The following MEP1A variants were observed in gnomAD, a reference collection of about 807,000 sequenced individuals.
The protein encoded by MEP1A is meprin A subunit alpha.
In MEP1A, 68 loss-of-function variants were observed where a neutral mutation model predicts 84.5. That is an observed-to-expected ratio of 0.80 (90% CI 0.66 to 0.98). The LOEUF is 0.98. Among genes scored for constraint, MEP1A ranks in the 50% least tolerant of loss-of-function variants. The pLI is 0.00. For missense variants in MEP1A, 887 were observed against 919.9 expected, an observed-to-expected ratio of 0.96 and a Z score of 0.46; for synonymous variants, 337 against 336.8, an observed-to-expected ratio of 1.00 and a Z score of -0.01.
rs776579460 is a variant in MEP1A, at chr6:46,835,356, G to C, written c.1891G>C (p.Gly631Arg). ...GCAGCAGGTCTCCGAAGAAGGTTCG[G>C]GAAAGGCCATGTTAGAGGAAGCCCT... ...QEQQVSEEGS[G>R]KAMLEEALPV... Residue 631 changes from glycine (G) to arginine (R), a missense_variant, in exon 13 of 14, where the codon GGA becomes CGA. Gly to Arg is a moderately radical substitution (Grantham distance 125). Transcript: ENST00000230588. The C allele has an allele frequency of 1.9e-6, 3 of 1,611,428 alleles. No homozygotes were observed. In the South Asian group the frequency reaches 3.3e-5, roughly 18 times the overall value.
At chr6:46,845,784 C>CCTGAA in the MEP1A span, among the ~76,000 whole-genome samples, 12 of 152,028 alleles carry the variant, frequency 7.9e-5, no homozygotes, top group Non-Finnish European at 1.5e-4. Flanking sequence ...TCTAGCTGTA[C>CCTGAA]CTGAAGGTGT....
intron 7 of MEP1A, among the ~76,000 whole-genome samples, chr6:46,822,053 A>C (rs1232075019): frequency 6.6e-6 from 1 of 152,218 alleles, no homozygotes; most frequent in Non-Finnish European, 1.5e-5. Context: ...TTCTTGAATC[A>C]GAATTGTGTT....
At chr6:46,803,225 C>T (rs562376227) in intron 5 of MEP1A, among the ~76,000 whole-genome samples, 91 of 151,356 alleles carry the variant, frequency 6.0e-4, no homozygotes, top group African/African-American at 1.9e-3. Flanking sequence ...ATAATGAATT[C>T]GATTCATTTA....
chr6:46,834,186 G>T (rs913166617), intron 11 of MEP1A, among the ~76,000 whole-genome samples: 12 of 151,630 alleles, frequency 7.9e-5, no homozygotes, highest in African/African-American at 2.7e-4. Context: ...GCCTCCCAAA[G>T]TGCTAGGATT....
chr6:46,808,524 A>G (rs904209824), intron 5 of MEP1A, among the ~76,000 whole-genome samples: 2 of 152,132 alleles, frequency 1.3e-5, no homozygotes, highest in Admixed American at 6.6e-5. Context: ...TTAATTTTTA[A>G]CTTAGATTCT....
At position 46,799,196 on chromosome 6, in the gene MEP1A, T is replaced by C; in HGVS notation, c.262+15T>C. On this transcript the variant is annotated intron_variant, in intron 5 of 13. Transcript: ENST00000230588. ...TGATAATTTGGGTAATATTAATTGTTCTTAATTAGGAAGTTTCAGTTTAAC... is the reference window on the plus strand; with the variant it reads ...TGATAATTTGGGTAATATTAATTGTCCTTAATTAGGAAGTTTCAGTTTAAC... The C allele has an allele frequency of 6.4e-7, 1 of 1,556,652 alleles. No homozygotes were observed. The highest frequency in any genetic ancestry group is 8.9e-7 in the Non-Finnish European group (1 of 1,127,720).
intron 7 of MEP1A, 80 bp from the exon 8 acceptor site, chr6:46,825,192 G>T (rs1459649737): frequency 4.9e-6 from 3 of 610,772 alleles, no homozygotes; most frequent in Non-Finnish European, 7.9e-6. Flanking sequence ...TTTTTTGGAG[G>T]GTCTCTGGGT....
At chr6:46,804,384 T>C (rs1195191376) in intron 5 of MEP1A, among the ~76,000 whole-genome samples, 1 of 151,774 alleles carries the variant, frequency 6.6e-6, no homozygotes, top group Non-Finnish European at 1.5e-5. Context: ...ATAAAAACTT[T>C]TAAATAATCA....
At chr6:46,807,552 GAA>G (rs1315482194) in intron 5 of MEP1A, among the ~76,000 whole-genome samples, 1 of 57,770 alleles carries the variant, frequency 1.7e-5, no homozygotes, top group East Asian at 3.5e-4. Flanking sequence ...AAGAAAGAAA[GAA>G]AGAAAGAAAG....
intron 6 of MEP1A, among the ~76,000 whole-genome samples, chr6:46,815,831 CA>C (rs1197343832): frequency 6.6e-6 from 1 of 151,992 alleles, no homozygotes; most frequent in East Asian, 1.9e-4. Flanking sequence ...AAAAAAAATG[CA>C]AAAAATAGCA....
rs1767087796 is a variant in MEP1A, at chr6:46,797,831, T to TC, written c.146-775_146-774insC. ...CTTTCTTTCTTTCTTTCTTTCTTTC[T>TC]TTCTTTCTCTCTCTCTTTCTTTCTT... is the stretch of plus-strand genomic sequence containing the variant. On this transcript the variant is annotated intron_variant, in intron 3 of 13. Coordinates refer to ENST00000230588, the MANE Select transcript of MEP1A (RefSeq NM_005588.3). Among the ~76,000 whole-genome samples the TC allele has an allele frequency of 2.0e-5, 3 of 148,930 alleles. No homozygotes were observed. In the South Asian group the frequency reaches 6.4e-4, roughly 32 times the overall value.
chr6:46,814,103 C>A (rs1767572074), intron 6 of MEP1A, among the ~76,000 whole-genome samples: 1 of 152,138 alleles, frequency 6.6e-6, no homozygotes, highest in South Asian at 2.1e-4. Flanking sequence ...AGATCTCTAG[C>A]AAGGCTGGGG....
downstream of MEP1A, among the ~76,000 whole-genome samples, chr6:46,842,857 C>G (rs1443473611): frequency 6.6e-6 from 1 of 152,162 alleles, no homozygotes; most frequent in South Asian, 2.1e-4. Context: ...TACTCTTTCT[C>G]TTTATTTCTC....
intron 7 of MEP1A, among the ~76,000 whole-genome samples, chr6:46,822,810 G>T (rs1166052473): frequency 6.6e-6 from 1 of 152,176 alleles, no homozygotes; most frequent in Non-Finnish European, 1.5e-5. Context: ...CTCCCAAAGT[G>T]CTGGGATTAC....
chr6:46,833,171 C>T lies in MEP1A; in HGVS notation c.1242C>T (p.Asn414=). The T allele has an allele frequency of 6.2e-7, 1 of 1,604,612 alleles. No individual in the cohort carries two copies. Among genetic ancestry groups the T allele is most frequent in the Non-Finnish European group, 8.5e-7 (1 of 1,175,734 alleles). ...AGGGCACAAAAGGCGACCCTCAGAA[C>T]TCAACTGGGGGAATTTACCTAGATG... ...LFQGTKGDPQ[N]STGGIYLDDI... is the part of the protein sequence containing the mutation. The change falls in exon 11 of 14, where the codon AAC becomes AAT. Residue 414 remains asparagine, a synonymous_variant. Coordinates refer to ENST00000230588, the MANE Select transcript of MEP1A (RefSeq NM_005588.3).
At chr6:46,836,308 G>A (rs770018740) in intron 13 of MEP1A, among the ~76,000 whole-genome samples, 1 of 152,188 alleles carries the variant, frequency 6.6e-6, no homozygotes, top group Non-Finnish European at 1.5e-5. Flanking sequence ...TTTCACAAAA[G>A]GAGGTATGTG....
At chr6:46,825,610 A>G in intron 8 of MEP1A, 117 bp downstream of exon 8, 1 of 729,544 alleles carries the variant, frequency 1.4e-6, no homozygotes, top group Non-Finnish European at 2.2e-6. Context: ...CTAAAAGAAT[A>G]AGAACAAACT....
In MEP1A at chr6:46,793,413, A is replaced by T. The variant is rs1281331518; in HGVS notation, c.15A>T (p.Arg5Ser). 6.3e-7 allele frequency: 1 copy of T among 1,594,936 alleles called. No homozygotes were observed. Among genetic ancestry groups the T allele is most frequent in the Non-Finnish European group, 8.5e-7 (1 of 1,174,778 alleles). Residue 5 changes from arginine to serine, a missense_variant, in exon 1 of 14, where the codon AGA (arginine) becomes AGT (serine). By Grantham distance (110) the Arg-to-Ser change is moderately radical. Coordinates refer to ENST00000230588, the MANE Select transcript of MEP1A (RefSeq NM_005588.3). MAWI[R>S]STCILFFTLL... ...CACTTGCAGCAATGGCTTGGATTAG[A>T]TCCACTTGCATTCTCTTTTTTACCT... is the stretch of plus-strand genomic sequence containing the variant.
chr6:46,833,675 T>G, intron 11 of MEP1A, 137 bp downstream of exon 11: 1 of 679,902 alleles, frequency 1.5e-6, no homozygotes, highest in Non-Finnish European at 2.5e-6. Flanking sequence ...CTTGTTGGAG[T>G]TTCAAGTCAA....
Sources: allele counts gnomAD v4.1 joint callset (sites outside exome capture counted in the v4.1 genomes callset), GRCh38; gene constraint gnomAD v4.1.1; transcripts MANE v1.5; gene names NCBI Gene and HGNC (gene_info 2026-07-23, HGNC 2026-07-21).